Variants in CSMD3 observed in about 807,000 individuals in gnomAD.
CSMD3 encodes CUB and Sushi multiple domains 3.
A neutral mutation model predicts 435.2 loss-of-function variants in CSMD3; 177 were observed. The observed-to-expected ratio is 0.41, with a 90% CI of 0.36 to 0.46. The LOEUF (loss-of-function observed/expected upper bound fraction) is 0.46. Among genes scored for constraint, CSMD3 ranks in the 20% least tolerant of loss-of-function variants. The pLI, the probability that CSMD3 is intolerant of heterozygous loss-of-function variation, is 0.34. For missense variants in CSMD3, 4,265 were observed against 4,504.6 expected, an observed-to-expected ratio of 0.95 and a Z score of 1.52; for synonymous variants, 1,656 against 1,520.5, an observed-to-expected ratio of 1.09 and a Z score of -2.07.
intron 1 of CSMD3, among the ~76,000 whole-genome samples, chr8:113,349,320 T>A (rs2094173932): frequency 6.6e-6 from 1 of 152,162 alleles, no homozygotes; most frequent in African/African-American, 2.4e-5. Flanking sequence ...CTGTTTGAGA[T>A]GGCTATAAAG....
Position 112,342,912 on chromosome 8 carries a change from A to G in CSMD3, c.6443-1226T>C, listed in dbSNP as rs182027434. Among the ~76,000 whole-genome samples, 170 of 148,580 alleles carry G rather than the reference A, an allele frequency of 1.1e-3. 2 individuals are homozygous for G. The highest frequency in any genetic ancestry group is 1.6e-3 in the Non-Finnish European group (108 of 67,276). ...TTAACTGAGCACTTTTATTACAAAC[A>G]TTTTCCAAAATTGTTTCATATATTC... On this transcript the variant is annotated intron_variant, in intron 41 of 70. Transcript: ENST00000297405.
intron 30 of CSMD3, among the ~76,000 whole-genome samples, chr8:112,502,419 A>G (rs2130907893): frequency 6.6e-6 from 1 of 152,330 alleles, no homozygotes. Context: ...TTCCACTGGA[A>G]TGAAAACTAT....
rs367836505 is a variant in CSMD3, at chr8:112,263,798, T to C, written c.9703A>G (p.Thr3235Ala). 19 of 1,613,790 alleles carry C rather than the reference T, an allele frequency of 1.2e-5. No homozygotes were observed. Among genetic ancestry groups the C allele is most frequent in the South Asian group, 3.3e-5 (3 of 91,084 alleles). Residue 3235 changes from threonine (T) to alanine (A), a missense_variant, in exon 61 of 71, where the codon ACT (threonine) becomes GCT (alanine). By Grantham distance (58) the Thr-to-Ala change is moderately conservative (BLOSUM62 0). Transcript: ENST00000297405. The part of the protein sequence containing the change: ...MPTCRAVTCP[T>A]PPQISNGRLE... ...CTTCCATTAGAGATCTGGGGAGGAG[T>C]TGGGCAGGTAACAGCTGCAATTACA...
intron 55 of CSMD3, among the ~76,000 whole-genome samples, chr8:112,292,122 G>A (rs1483123701): frequency 6.6e-6 from 1 of 151,900 alleles, no homozygotes; most frequent in Non-Finnish European, 1.5e-5. Flanking sequence ...AATGAATAAA[G>A]CCTCAATACA....
chr8:112,932,177 G>T (rs925252676), intron 9 of CSMD3, among the ~76,000 whole-genome samples: 1 of 152,184 alleles, frequency 6.6e-6, no homozygotes, highest in Non-Finnish European at 1.5e-5. Context: ...CAATAGCTGA[G>T]ATATGAAATC....
At chr8:113,158,352 G>A (rs2091973294) in intron 4 of CSMD3, among the ~76,000 whole-genome samples, 1 of 152,008 alleles carries the variant, frequency 6.6e-6, no homozygotes, top group Non-Finnish European at 1.5e-5. Flanking sequence ...CTCCATGCAT[G>A]TATGATAAGG....
At chr8:112,296,664 A>G (rs1820319186) in intron 53 of CSMD3, among the ~76,000 whole-genome samples, 1 of 152,070 alleles carries the variant, frequency 6.6e-6, no homozygotes, top group Non-Finnish European at 1.5e-5. Flanking sequence ...AGTAGAAGAA[A>G]TAGAGATATA....
At chr8:112,526,616 T>C (rs1240705274) in intron 27 of CSMD3, among the ~76,000 whole-genome samples, 1 of 152,068 alleles carries the variant, frequency 6.6e-6, no homozygotes, top group Non-Finnish European at 1.5e-5. Flanking sequence ...GCTTTGCTTT[T>C]ATTATAAGGT....
At chr8:113,084,718 CAAAACTATAGTAA>C (rs1019936815) in intron 5 of CSMD3, among the ~76,000 whole-genome samples, 7 of 145,570 alleles carry the variant, frequency 4.8e-5, no homozygotes, top group African/African-American at 1.8e-4. Flanking sequence ...AAATATAGTA[CAAAACTATAGTAA>C]GTAAACCAGC....
chr8:113,060,108 G>T, intron 5 of CSMD3, among the ~76,000 whole-genome samples: 1 of 109,782 alleles, frequency 9.1e-6, no homozygotes, highest in Non-Finnish European at 1.8e-5. Flanking sequence ...GTGTCATCTA[G>T]CATTAGGTAT....
At chr8:112,975,758 T>A (rs2084821297) in intron 7 of CSMD3, 79 bp downstream of exon 7, 1 of 1,606,142 alleles carries the variant, frequency 6.2e-7, no homozygotes, top group African/African-American at 1.3e-5. Flanking sequence ...CTCTTTCAGC[T>A]CATTCTCTAA....
At position 112,263,801 on chromosome 8, in the gene CSMD3, G is replaced by C. The variant is rs61753737; in HGVS notation, c.9700C>G (p.Pro3234Ala). 1 of 1,613,704 alleles carries C rather than the reference G, an allele frequency of 6.2e-7. No individual in the cohort carries two copies. Among genetic ancestry groups the C allele is most frequent in the South Asian group, 1.1e-5 (1 of 91,074 alleles). ...CCATTAGAGATCTGGGGAGGAGTTG[G>C]GCAGGTAACAGCTGCAATTACATTA... Reference protein sequence around the residue: ...VMPTCRAVTCPTPPQISNGRL... With the variant: ...VMPTCRAVTCATPPQISNGRL... The change falls in exon 61 of 71, where the codon CCA becomes GCA. Residue 3234 changes from proline to alanine, a missense_variant. This residue lies in a region of CSMD3 where 3,255 missense variants were observed against 3,380.2 expected (regional missense o/e 0.96). Coordinates refer to ENST00000297405, the MANE Select transcript of CSMD3 (RefSeq NM_198123.2).
Position 112,682,447 on chromosome 8 carries a change from C to T in CSMD3, c.2672G>A (p.Cys891Tyr), listed in dbSNP as rs2131784910. ...TCACTCACTACTACACTTACCTCCA[C>T]ATTTTGGAATCAGTCCACTCCACAT... ...KVMWSGLIPKCGAPCGGHFSA... is the reference protein window; with the variant it reads ...KVMWSGLIPKYGAPCGGHFSA... The change falls in exon 16 of 71, where the codon TGT becomes TAT. Residue 891 changes from cysteine (C) to tyrosine (Y), a missense_variant. By Grantham distance (194) the Cys-to-Tyr change is radical. Transcript: ENST00000297405. 1 of 1,610,918 alleles carries T rather than the reference C, an allele frequency of 6.2e-7. No homozygotes were observed. Among genetic ancestry groups the T allele is most frequent in the Non-Finnish European group, 8.5e-7 (1 of 1,178,734 alleles).
intron 1 of CSMD3, among the ~76,000 whole-genome samples, chr8:113,435,852 C>A (rs973097859): frequency 6.6e-6 from 1 of 151,998 alleles, no homozygotes; most frequent in African/African-American, 2.4e-5. Flanking sequence ...GCTCTTTTTC[C>A]CATGATCCTG....
intron 22 of CSMD3, among the ~76,000 whole-genome samples, chr8:112,624,974 G>C (rs1262355742): frequency 6.6e-6 from 1 of 151,722 alleles, no homozygotes. Context: ...TAGGAGAAAG[G>C]CATTGTAAGA....
rs1269724492 is a variant in CSMD3, at chr8:112,506,710, T to C, written c.4876A>G (p.Ile1626Val). Reference sequence around the variant, plus strand: ...ACTCACCTGATGAACGCCAAGGAGATAACATAGTCTGCATTGACGGTGATA... The same window carrying C: ...ACTCACCTGATGAACGCCAAGGAGACAACATAGTCTGCATTGACGGTGATA... The part of the protein sequence containing the change: ...WTITVNADYV[I>V]SLAFISFSIE... The change falls in exon 29 of 71, where the codon ATC becomes GTC. Residue 1626 changes from isoleucine to valine, a missense_variant. This residue lies in a region of CSMD3 where 3,255 missense variants were observed against 3,380.2 expected (regional missense o/e 0.96). Coordinates refer to ENST00000297405, the MANE Select transcript of CSMD3 (RefSeq NM_198123.2). 2 of 1,613,604 alleles carry C rather than the reference T, an allele frequency of 1.2e-6. No individual in the cohort carries two copies. Among genetic ancestry groups the C allele is most frequent in the Non-Finnish European group, 1.7e-6 (2 of 1,179,672 alleles).
chr8:112,669,262 C>A (rs2075600730), intron 16 of CSMD3, among the ~76,000 whole-genome samples: 1 of 152,022 alleles, frequency 6.6e-6, no homozygotes, highest in South Asian at 2.1e-4. Flanking sequence ...AACTTCTGAT[C>A]TCAGGTGATC....
At chr8:112,240,522 T>C (rs1814017580) in intron 66 of CSMD3, among the ~76,000 whole-genome samples, 1 of 152,098 alleles carries the variant, frequency 6.6e-6, no homozygotes, top group Admixed American at 6.6e-5. Context: ...CCCTCCACTT[T>C]TATAGCATGT....
chr8:113,214,627 A>G (rs979162393), intron 3 of CSMD3, among the ~76,000 whole-genome samples: 5 of 151,936 alleles, frequency 3.3e-5, no homozygotes, highest in Non-Finnish European at 1.5e-5. Flanking sequence ...CTTTCTACAA[A>G]TATCTACAAT....
Sources: gnomAD v4.1 joint callset for allele counts (sites outside exome capture counted in the v4.1 genomes callset) on GRCh38, gnomAD v4.1.1 for gene constraint, gnomAD v4.1.1 regional missense constraint, MANE v1.5 for transcripts, NCBI Gene and HGNC (gene_info 2026-07-23, HGNC 2026-07-21) for gene names.